Variants in ADAMTSL1 observed in about 807,000 individuals in gnomAD.
The protein encoded by ADAMTSL1 is ADAMTS like 1, also known as ADAMTS-like protein 1.
Under a neutral mutation model 201.8 loss-of-function variants are expected in ADAMTSL1, and 126 were observed. The ratio of observed to expected loss-of-function variants is 0.62; its 90% CI spans 0.54 to 0.72. ADAMTSL1 has a LOEUF of 0.72. Ranked by LOEUF, ADAMTSL1 falls within the 30% of genes least tolerant of loss-of-function variation. ADAMTSL1 has a pLI of 0.00. For missense variants in ADAMTSL1, 2,679 were observed against 2,277.8 expected, an observed-to-expected ratio of 1.18 and a Z score of -3.59; for synonymous variants, 1,121 against 903.4, an observed-to-expected ratio of 1.24 and a Z score of -4.32.
intron 1 of ADAMTSL1, among the ~76,000 whole-genome samples, chr9:17,968,097 C>G (rs1304314482): frequency 6.6e-6 from 1 of 152,108 alleles, no homozygotes; most frequent in African/African-American, 2.4e-5. Flanking sequence ...TTCACTTACT[C>G]TCTTCCTGGG....
At chr9:18,799,303 C>T (rs914559429) in intron 20 of ADAMTSL1, among the ~76,000 whole-genome samples, 1 of 152,212 alleles carries the variant, frequency 6.6e-6, no homozygotes, top group Non-Finnish European at 1.5e-5. Flanking sequence ...AAAGGAGAGT[C>T]TCTGATGTGT....
At chr9:18,853,887 C>CTGTGTG (rs529993480) in intron 23 of ADAMTSL1, among the ~76,000 whole-genome samples, 2,316 of 80,818 alleles carry the variant, frequency 0.029, 45 homozygotes, top group African/African-American at 0.057. Flanking sequence ...TGTATTCACT[C>CTGTGTG]TCTGTGTGTG....
chr9:18,455,624 T>C (rs1587266058), intron 2 of ADAMTSL1, among the ~76,000 whole-genome samples: 1 of 152,304 alleles, frequency 6.6e-6, no homozygotes, highest in Non-Finnish European at 1.5e-5. Flanking sequence ...TCTAATTCAC[T>C]TTCCTTCTTC....
chr9:18,695,325 T>C lies in ADAMTSL1; in HGVS notation c.1574+10525T>C, dbSNP rs185455821. On this transcript the variant is annotated intron_variant, in intron 13 of 28. Transcript: ENST00000380548. ...TGTGTTGGCTATTAAGATTTGGCTC[T>C]TTTTTACTTATGCCAGTTTCTGTAG... Among the ~76,000 whole-genome samples the C allele has an allele frequency of 1.5e-3, 222 of 152,344 alleles. 2 individuals carry two copies. Among genetic ancestry groups the C allele is most frequent in the African/African-American group, 5.0e-3 (207 of 41,584 alleles).
chr9:18,776,003 G>T (rs1056197269), intron 18 of ADAMTSL1, 107 bp downstream of exon 18: 27 of 1,412,412 alleles, frequency 1.9e-5, no homozygotes, highest in Admixed American at 1.1e-4. Flanking sequence ...GGAAATAGTG[G>T]GACAGTAGAA....
intron 2 of ADAMTSL1, among the ~76,000 whole-genome samples, chr9:18,288,770 C>A (rs1413010862): frequency 3.9e-5 from 6 of 152,248 alleles, no homozygotes; most frequent in African/African-American, 1.4e-4. Context: ...TCTCTTCAGC[C>A]TGATGGCTGC....
intron 2 of ADAMTSL1, among the ~76,000 whole-genome samples, chr9:18,215,114 A>C (rs1402839489): frequency 6.6e-6 from 1 of 152,302 alleles, no homozygotes; most frequent in Non-Finnish European, 1.5e-5. Flanking sequence ...AAATTAAAAT[A>C]TTGTTACATT....
intron 2 of ADAMTSL1, among the ~76,000 whole-genome samples, chr9:18,398,658 T>TAG (rs1453253202): frequency 6.6e-6 from 1 of 152,186 alleles, no homozygotes. Flanking sequence ...AGGTGCTGTC[T>TAG]AGATCCCATT....
chr9:18,806,363 A>T (rs185618836), intron 20 of ADAMTSL1, among the ~76,000 whole-genome samples: 2 of 152,336 alleles, frequency 1.3e-5, no homozygotes, highest in Non-Finnish European at 2.9e-5. Context: ...AGCTAACTGC[A>T]AAAAGGCTGG....
chr9:18,242,394 C>T (rs1227495548), intron 2 of ADAMTSL1, among the ~76,000 whole-genome samples: 12 of 152,122 alleles, frequency 7.9e-5, no homozygotes, highest in South Asian at 4.2e-4. Flanking sequence ...AAAAACTCAC[C>T]GCTAACATTA....
intron 16 of ADAMTSL1, among the ~76,000 whole-genome samples, chr9:18,758,426 A>C (rs1406797379): frequency 6.6e-6 from 1 of 152,202 alleles, no homozygotes; most frequent in Admixed American, 6.5e-5. Context: ...TTACTCTCTT[A>C]TAGTTCTGGA....
chr9:18,301,172 A>G (rs1833695065), intron 2 of ADAMTSL1, among the ~76,000 whole-genome samples: 1 of 152,220 alleles, frequency 6.6e-6, no homozygotes, highest in Non-Finnish European at 1.5e-5. Context: ...GCCAGGAAGA[A>G]AGAAAAAAAG....
intron 5 of ADAMTSL1, among the ~76,000 whole-genome samples, chr9:18,623,230 A>G (rs1485926487): frequency 7.0e-6 from 1 of 142,692 alleles, no homozygotes; most frequent in East Asian, 2.2e-4. Context: ...GTGTCCTGGT[A>G]TCTCAATACT....
chr9:17,947,575 G>T (rs147328095), intron 1 of ADAMTSL1, among the ~76,000 whole-genome samples: 2 of 152,056 alleles, frequency 1.3e-5, no homozygotes, highest in Admixed American at 6.6e-5. Context: ...TGCAATTGCA[G>T]TTGCAATTGC....
At chr9:18,369,127 T>C (rs1339771023) in intron 2 of ADAMTSL1, among the ~76,000 whole-genome samples, 4 of 152,220 alleles carry the variant, frequency 2.6e-5, no homozygotes, top group Non-Finnish European at 4.4e-5. Flanking sequence ...AGTTGGCTAA[T>C]GTAATCCTTT....
At chr9:18,574,620 T>TGTGTGTGTGTGTG in intron 4 of ADAMTSL1, 1 of 380,864 alleles carries the variant, frequency 2.6e-6, no homozygotes, top group Non-Finnish European at 4.7e-6. Flanking sequence ...TGTGTGTGTA[T>TGTGTGTGTGTGTG]TTAGAGACTG....
At chr9:18,818,000 G>GAGT (rs1171691528) in intron 21 of ADAMTSL1, among the ~76,000 whole-genome samples, 1 of 152,200 alleles carries the variant, frequency 6.6e-6, no homozygotes, top group Non-Finnish European at 1.5e-5. Context: ...GTGAAGCAAG[G>GAGT]AGTAGTAGAC....
chr9:18,635,252 AT>A (rs1488156541), intron 5 of ADAMTSL1, among the ~76,000 whole-genome samples: 3 of 152,190 alleles, frequency 2.0e-5, no homozygotes, highest in Admixed American at 2.0e-4. Context: ...TATAGCTCTA[AT>A]TTTTAAAAAT....
intron 20 of ADAMTSL1, among the ~76,000 whole-genome samples, chr9:18,804,139 T>C (rs1215610224): frequency 1.3e-5 from 2 of 152,184 alleles, no homozygotes; most frequent in African/African-American, 4.8e-5. Flanking sequence ...GCACATATAA[T>C]AATGAATGAT....
Sources: allele counts gnomAD v4.1 joint callset (sites outside exome capture counted in the v4.1 genomes callset), GRCh38; gene constraint gnomAD v4.1.1; transcripts MANE v1.5; gene names NCBI Gene and HGNC (gene_info 2026-07-23, HGNC 2026-07-21).